Variants in FAH observed in about 807,000 individuals in gnomAD.
FAH encodes fumarylacetoacetate hydrolase, also known as fumarylacetoacetase.
In FAH, 47 loss-of-function variants were observed where a neutral mutation model predicts 55.8. The observed-to-expected ratio is 0.84, with a 90% CI of 0.67 to 1.07. The LOEUF (loss-of-function observed/expected upper bound fraction) is 1.07, where lower values mean the gene tolerates loss of function less well. Among genes scored for constraint, FAH ranks in the 50% least tolerant of loss-of-function variants. The pLI is 0.00. For missense variants in FAH, 495 were observed against 545.9 expected (o/e 0.91, Z 0.93); for synonymous variants, 199 against 207.7 (o/e 0.96, Z 0.36).
intron 13 of FAH, among the ~76,000 whole-genome samples, chr15:80,185,623 G>A (rs1050258571): frequency 5.3e-5 from 8 of 152,210 alleles, no homozygotes; most frequent in African/African-American, 1.7e-4. Flanking sequence ...CAATCATAGT[G>A]GAAGGCAAAA....
chr15:80,175,965 C>G (rs1179484052), intron 10 of FAH, among the ~76,000 whole-genome samples: 1 of 152,236 alleles, frequency 6.6e-6, no homozygotes, highest in Non-Finnish European at 1.5e-5. Context: ...CCTAGCCACA[C>G]TCTGGCCAAA....
intron 5 of FAH, among the ~76,000 whole-genome samples, chr15:80,166,723 G>A (rs1001041948): frequency 1.8e-4 from 26 of 142,282 alleles, no homozygotes; most frequent in Non-Finnish European, 2.4e-4. Context: ...TGCAAGCTTC[G>A]CCTCCCAGGT....
chr15:80,179,695 CT>C (rs2142107329), intron 11 of FAH, among the ~76,000 whole-genome samples: 1 of 152,308 alleles, frequency 6.6e-6, no homozygotes. Flanking sequence ...GGAGCGAGGG[CT>C]TTGCTCACGA....
intron 9 of FAH, 153 bp downstream of exon 9, chr15:80,173,297 C>A: frequency 4.1e-6 from 4 of 978,510 alleles, no homozygotes; most frequent in Non-Finnish European, 4.8e-6. Context: ...GAGTTCCTGG[C>A]CACGATTACT....
chr15:80,155,456 C>T (rs1476351206), intron 1 of FAH, among the ~76,000 whole-genome samples: 1 of 152,214 alleles, frequency 6.6e-6, no homozygotes, highest in African/African-American at 2.4e-5. Context: ...AAGCATCATG[C>T]TCCAGATCTC....
chr15:80,162,426 T>C, intron 5 of FAH, 90 bp downstream of exon 5: 1 of 1,158,850 alleles, frequency 8.6e-7, no homozygotes, highest in Non-Finnish European at 1.3e-6. Context: ...CAAGTTCTTC[T>C]TAAAGTAAAC....
intron 4 of FAH, 63 bp from the exon 5 acceptor site, chr15:80,162,183 A>ACAGT: frequency 1.6e-6 from 2 of 1,289,754 alleles, no homozygotes; most frequent in Non-Finnish European, 2.3e-6. Flanking sequence ...AGTGCTTGGA[A>ACAGT]CAGTCCATTC....
intron 5 of FAH, among the ~76,000 whole-genome samples, chr15:80,164,138 T>A (rs1417961829): frequency 2.0e-5 from 3 of 152,238 alleles, no homozygotes; most frequent in Non-Finnish European, 2.9e-5. Flanking sequence ...CTCTTCTAGT[T>A]CCGGAGGCCA....
intron 9 of FAH, chr15:80,173,644 G>T: frequency 1.5e-5 from 4 of 263,808 alleles, no homozygotes; most frequent in East Asian, 9.7e-5. Context: ...TTCTCAGCCT[G>T]TTGCAATCTG....
At chr15:80,183,497 C>G (rs982006410) in intron 13 of FAH, among the ~76,000 whole-genome samples, 8 of 152,222 alleles carry the variant, frequency 5.3e-5, no homozygotes, top group African/African-American at 1.9e-4. Flanking sequence ...TACGACTTCA[C>G]TGGTCACGTG....
rs2041316396 is a variant in FAH at position 80,180,086 on chromosome 15, T to G, written c.961-38T>G. ...TGCCTCCGGGATGCTAGGCTAAGCC[T>G]GCCGCTGCTCATTCCACCTCGCGTC... On this transcript the variant is annotated intron_variant, in intron 11 of 13. Coordinates refer to ENST00000561421, the MANE Select transcript of FAH (RefSeq NM_000137.4). The G allele has an allele frequency of 4.1e-6, 6 of 1,451,670 alleles. No homozygotes were observed. The East Asian group carries it at 1.4e-4, about 34-fold the overall frequency. The allele number at this position is 1,451,670 out of a possible 1,614,324, so 89.9% of individuals were successfully genotyped here.
intron 2 of FAH, 125 bp downstream of exon 2, chr15:80,158,295 CT>C: frequency 1.3e-6 from 1 of 799,142 alleles, no homozygotes. Flanking sequence ...AGAGGTTATA[CT>C]TGGATAAGGC....
At chr15:80,158,011 G>C (rs2041113424) in intron 1 of FAH, 49 bp from the exon 2 acceptor site, 4 of 1,430,058 alleles carry the variant, frequency 2.8e-6, no homozygotes, top group Non-Finnish European at 3.9e-6. Context: ...AATGAGCCAA[G>C]CCCAGCCAGG....
chr15:80,153,101 A>G lies in FAH; in HGVS notation c.47A>G (p.Asn16Ser), dbSNP rs121965073. Residue 16 changes from asparagine to serine, a missense_variant, in exon 1 of 14, where the codon AAC becomes AGC. By Grantham distance (46) the Asn-to-Ser change is conservative (BLOSUM62 1). Transcript: ENST00000561421. ...GAGGATTCCGACTTCCCCATCCACA[A>G]CCTGCCCTACGGCGTCTTCTCGACC... is the stretch of plus-strand genomic sequence containing the variant. ...VAEDSDFPIH[N>S]LPYGVFSTRG... The G allele has an allele frequency of 2.5e-6, 4 of 1,613,112 alleles. No individual in the cohort carries two copies. The highest frequency in any genetic ancestry group is 2.7e-5 in the African/African-American group (2 of 74,616).
At chr15:80,182,025 G>A (rs993879366) in intron 13 of FAH, among the ~76,000 whole-genome samples, 2 of 152,144 alleles carry the variant, frequency 1.3e-5, no homozygotes, top group Non-Finnish European at 2.9e-5. Context: ...AGCTCTATAA[G>A]GTACAAGTTC....
At chr15:80,168,445 G>A in intron 7 of FAH, 129 bp downstream of exon 7, 1 of 853,736 alleles carries the variant, frequency 1.2e-6, no homozygotes, top group Non-Finnish European at 2.0e-6. Context: ...GCCGCTCTGT[G>A]TCCCCACCTG....
At position 80,168,317 on chromosome 15, in the gene FAH, G is replaced by T. The variant is rs773450608; in HGVS notation, c.606+1G>T. ...GCTCTTGGACATGGAGCTGGAAATG[G>T]TAAGTGAGCTTGATGTTTTATTGCC... On this transcript the variant is annotated splice_donor_variant, in intron 7 of 13. Coordinates refer to ENST00000561421, the MANE Select transcript of FAH (RefSeq NM_000137.4). LOFTEE classifies it high-confidence loss of function. 1.9e-6 allele frequency: 3 copies of T among 1,612,206 alleles called. No homozygotes were observed. In the South Asian group the frequency reaches 3.3e-5, roughly 18 times the overall value.
intron 12 of FAH, among the ~76,000 whole-genome samples, chr15:80,180,664 A>G (rs942034114): frequency 1.2e-4 from 18 of 152,132 alleles, no homozygotes; most frequent in Non-Finnish European, 2.5e-4. Context: ...CACTTCCTGC[A>G]GGGGGCTGGC....
Position 80,158,076 on chromosome 15 carries a change from G to A in FAH, c.98G>A (p.Gly33Asp). Residue 33 changes from glycine to aspartate, a missense_variant, in exon 2 of 14, where the codon GGT becomes GAT. Transcript: ENST00000561421. ...STRGDPRPRI[G>D]VAIGDQILDL... Reference sequence around the variant, plus strand: ...TCCTCCTAGCCAAGACCGAGGATAGGTGTGGCCATTGGCGACCAGATCCTG... The same window carrying A: ...TCCTCCTAGCCAAGACCGAGGATAGATGTGGCCATTGGCGACCAGATCCTG... 1 of 1,614,016 alleles carries A rather than the reference G, an allele frequency of 6.2e-7. No homozygotes were observed. Among genetic ancestry groups the A allele is most frequent in the Non-Finnish European group, 8.5e-7 (1 of 1,179,876 alleles).
Sources: allele counts gnomAD v4.1 joint callset (sites outside exome capture counted in the v4.1 genomes callset), GRCh38; gene constraint gnomAD v4.1.1; transcripts MANE v1.5; gene names NCBI Gene and HGNC (gene_info 2026-07-23, HGNC 2026-07-21).